The following XPNPEP3 variants were observed in gnomAD, a reference collection of about 807,000 sequenced individuals.
The protein encoded by XPNPEP3 is X-prolyl aminopeptidase 3.
A neutral mutation model predicts 60.0 loss-of-function variants in XPNPEP3; 41 were observed. The observed-to-expected ratio is 0.68, with a 90% CI of 0.53 to 0.89. The LOEUF is 0.89. Ranked by LOEUF, XPNPEP3 falls within the 40% of genes least tolerant of loss-of-function variation. XPNPEP3 has a pLI of 0.00. For missense variants in XPNPEP3, 598 were observed against 638.9 expected (o/e 0.94, Z 0.69); for synonymous variants, 212 against 223.2 (o/e 0.95, Z 0.45).
chr22:40,870,376 T>C (rs1283545200), intron 2 of XPNPEP3: 1 of 219,588 alleles, frequency 4.6e-6, no homozygotes, highest in Non-Finnish European at 9.4e-6. Flanking sequence ...GCTCTATACC[T>C]TAAGTGCATG....
chr22:40,896,879 AAGT>A, intron 4 of XPNPEP3, among the ~76,000 whole-genome samples: 1 of 152,202 alleles, frequency 6.6e-6, no homozygotes, highest in Admixed American at 6.5e-5. Context: ...TACTTCATAT[AAGT>A]AGAATCATAC....
Position 40,926,832 on chromosome 22 carries a change from A to G in XPNPEP3, c.*397A>G, listed in dbSNP as rs371744775. ...TTTGCTGAGATCAACCCAATATCAT[A>G]AGAAGTTTGTGTGATGCCTGTATTT... On this transcript the variant is annotated 3_prime_UTR_variant, in exon 10 of 10. Coordinates refer to ENST00000357137, the MANE Select transcript of XPNPEP3 (RefSeq NM_022098.4). The G allele has an allele frequency of 1.8e-5, 5 of 278,778 alleles. No homozygotes were observed. Among genetic ancestry groups the G allele is most frequent in the South Asian group, 1.4e-4 (4 of 28,752 alleles). 17.3% of individuals were successfully genotyped at this position (278,778 alleles called of 1,614,324 possible). A position where few individuals can be genotyped will look rare whatever the true frequency, so the allele number is the denominator to read the frequency against.
At chr22:40,879,568 A>G (rs1035773938) in intron 2 of XPNPEP3, among the ~76,000 whole-genome samples, 30 of 151,954 alleles carry the variant, frequency 2.0e-4, no homozygotes, top group Non-Finnish European at 4.1e-4. Flanking sequence ...TAGGCCAGGC[A>G]TGGTGGCTCA....
chr22:40,861,669 A>C, intron 1 of XPNPEP3: 2 of 1,614,178 alleles, frequency 1.2e-6, no homozygotes, highest in Non-Finnish European at 1.7e-6. Context: ...AAAGAAGTGA[A>C]AAGAAAATGG....
rs185173339 is a variant in XPNPEP3, at chr22:40,927,736, G to A, written c.*1301G>A. The A allele has an allele frequency of 3.6e-3, 550 of 151,912 alleles. 1 individual carries two copies. Among genetic ancestry groups the A allele is most frequent in the Middle Eastern group, 0.031 (9 of 294 alleles). The allele number at this position is 151,912 out of a possible 1,614,324, so 9.4% of individuals were successfully genotyped here. ...AAAATACAAAAAAAATTAGCTGGGC[G>A]TGGTGGCGGATGCCTGTAGTCCCAG... On this transcript the variant is annotated 3_prime_UTR_variant, in exon 10 of 10. Coordinates refer to ENST00000357137, the MANE Select transcript of XPNPEP3 (RefSeq NM_022098.4).
At chr22:40,914,415 C>CTA in intron 7 of XPNPEP3, 91 bp downstream of exon 7, 1 of 1,098,442 alleles carries the variant, frequency 9.1e-7, no homozygotes, top group East Asian at 2.4e-5. Flanking sequence ...TAAAGAAATA[C>CTA]TATAGGTCCA....
rs117952777 is a variant in XPNPEP3 at position 40,858,980 on chromosome 22, G to T, written c.64+1735G>T. On this transcript the variant is annotated intron_variant, in intron 1 of 9. Transcript: ENST00000357137. ...TTTGGAGATGGGGTCTTGCCATGTT[G>T]CCCAAAGTAAACTTGAACTCTCACC... Among the ~76,000 whole-genome samples the T allele has an allele frequency of 7.0e-4, 107 of 152,272 alleles. 6 individuals are homozygous for T. The East Asian group carries it at 0.02, about 29-fold the overall frequency.
chr22:40,912,699 A>G (rs5758126), intron 6 of XPNPEP3, among the ~76,000 whole-genome samples: 3,715 of 152,010 alleles, frequency 0.024, 187 homozygotes, highest in East Asian at 0.2. Flanking sequence ...GTGAAACCCC[A>G]TCTCTACTAA....
At chr22:40,884,888 C>T (rs907455968) in intron 3 of XPNPEP3, among the ~76,000 whole-genome samples, 8 of 151,422 alleles carry the variant, frequency 5.3e-5, no homozygotes, top group African/African-American at 1.9e-4. Flanking sequence ...ATTAGCTGGA[C>T]GTGGTGGCAT....
rs1207879627 is a variant in XPNPEP3, at chr22:40,932,781, C to T, written c.*6346C>T. On this transcript the variant is annotated 3_prime_UTR_variant, in exon 10 of 10. Transcript: ENST00000357137. Reference sequence around the variant, plus strand: ...CCCATCAAGGGAAAAGCACTTGTAACTGTCATTTAAAAAAAATAAAACTAT... The same window carrying T: ...CCCATCAAGGGAAAAGCACTTGTAATTGTCATTTAAAAAAAATAAAACTAT... 1 of 152,044 alleles carries T rather than the reference C, an allele frequency of 6.6e-6. No homozygotes were observed. The highest frequency in any genetic ancestry group is 1.5e-5 in the Non-Finnish European group (1 of 68,018). 9.4% of individuals were successfully genotyped at this position (152,044 alleles called of 1,614,324 possible).
At chr22:40,924,578 AAG>A in intron 9 of XPNPEP3, 96 bp downstream of exon 9, 1 of 1,528,946 alleles carries the variant, frequency 6.5e-7, no homozygotes, top group Non-Finnish European at 8.9e-7. Context: ...GGCTGGAGTG[AAG>A]TGGTGTGATC....
intron 3 of XPNPEP3, 130 bp from the exon 4 acceptor site, chr22:40,886,183 G>A (rs1454213984): frequency 1.1e-6 from 1 of 884,526 alleles, no homozygotes; most frequent in African/African-American, 1.6e-5. Flanking sequence ...AGAGTCTTAA[G>A]TCTCAACACT....
chr22:40,894,747 A>G (rs1001352538), intron 4 of XPNPEP3, among the ~76,000 whole-genome samples: 4 of 152,154 alleles, frequency 2.6e-5, no homozygotes, highest in Admixed American at 6.6e-5. Flanking sequence ...GTTGGTTCCA[A>G]TCACCTTAAA....
At chr22:40,919,132 A>G (rs943639287) in intron 7 of XPNPEP3, among the ~76,000 whole-genome samples, 6 of 152,126 alleles carry the variant, frequency 3.9e-5, no homozygotes, top group South Asian at 2.1e-4. Flanking sequence ...TTAAATGACA[A>G]TTTTAAAGCT....
rs1156632304 is a variant in XPNPEP3 at position 40,928,572 on chromosome 22, G to T, written c.*2137G>T. 4 of 152,148 alleles carry T rather than the reference G, an allele frequency of 2.6e-5. No homozygotes were observed. Among genetic ancestry groups the T allele is most frequent in the Non-Finnish European group, 5.9e-5 (4 of 68,036 alleles). The allele number at this position is 152,148 out of a possible 1,614,324, so 9.4% of individuals were successfully genotyped here. A position where few individuals can be genotyped will look rare whatever the true frequency, so the allele number is the denominator to read the frequency against. ...TATACAGCAACTCAGTTTGCAAGATGAACAGGGCTAGATTACCACAGATAG... is the reference window on the plus strand; with the variant it reads ...TATACAGCAACTCAGTTTGCAAGATTAACAGGGCTAGATTACCACAGATAG... On this transcript the variant is annotated 3_prime_UTR_variant, in exon 10 of 10. Coordinates refer to ENST00000357137, the MANE Select transcript of XPNPEP3 (RefSeq NM_022098.4).
chr22:40,916,241 G>A (rs1019777638), intron 7 of XPNPEP3, among the ~76,000 whole-genome samples: 1 of 151,558 alleles, frequency 6.6e-6, no homozygotes, highest in African/African-American at 2.4e-5. Flanking sequence ...GCAGTGAGCC[G>A]AGATTGTACC....
intron 2 of XPNPEP3, among the ~76,000 whole-genome samples, chr22:40,871,495 A>T (rs987293589): frequency 7.9e-5 from 12 of 152,236 alleles, no homozygotes; most frequent in African/African-American, 2.7e-4. Flanking sequence ...TACTTTTGGG[A>T]AACATCTCAA....
rs541544684 is a variant in XPNPEP3, at chr22:40,861,736, C to T, written c.64+4491C>T. On this transcript the variant is annotated intron_variant, in intron 1 of 9. Transcript: ENST00000357137. Reference sequence around the variant, plus strand: ...TCATCTGGCTTATGGAATGTGAAGCCGTACTCACATTCATCATCAAAATGA... The same window carrying T: ...TCATCTGGCTTATGGAATGTGAAGCTGTACTCACATTCATCATCAAAATGA... 1.1e-4 allele frequency: 182 copies of T among 1,613,690 alleles called. No homozygotes were observed. In the South Asian group the frequency reaches 1.8e-3, roughly 16 times the overall value.
chr22:40,893,465 A>G (rs1342787398), intron 4 of XPNPEP3, among the ~76,000 whole-genome samples: 1 of 137,546 alleles, frequency 7.3e-6, no homozygotes, highest in African/African-American at 2.7e-5. Context: ...AGATAGCGCC[A>G]TTGCACTCCA....
Sources: allele counts gnomAD v4.1 joint callset (sites outside exome capture counted in the v4.1 genomes callset), GRCh38; gene constraint gnomAD v4.1.1; transcripts MANE v1.5; gene names NCBI Gene and HGNC (gene_info 2026-07-23, HGNC 2026-07-21).